DARS1: variants seen among roughly 807,000 people sequenced by gnomAD.
DARS1 encodes the protein aspartate--tRNA ligase, cytoplasmic.
Under a neutral mutation model 68.8 loss-of-function variants are expected in DARS1, and 51 were observed. The observed-to-expected ratio is 0.74, with a 90% CI of 0.59 to 0.94. The LOEUF (loss-of-function observed/expected upper bound fraction) is 0.94. DARS1 is among the 40% of genes least tolerant of loss of function. The probability of loss-of-function intolerance (pLI) is 0.00; values close to 1 mark genes in which losing one functional copy is unlikely to be tolerated. For synonymous variants in DARS1, 203 were observed against 190.4 expected, an observed-to-expected ratio of 1.07 and a Z score of -0.55; for missense variants, 607 against 597.3, an observed-to-expected ratio of 1.02 and a Z score of -0.17.
rs1260603524 is a variant in DARS1, at chr2:135,984,554, CAGA to C, written c.66+846_66+848del. ...GTCACACAATGAAGCCTGAGGGCAA[CAGA>C]AGGAGATTAAATTGTGTGAAGGACA... On this transcript the variant is annotated intron_variant, in intron 1 of 15. Coordinates refer to ENST00000264161, the MANE Select transcript of DARS1 (RefSeq NM_001349.4). 5.9e-5 allele frequency among the ~76,000 whole-genome samples: 9 copies of C among 152,256 alleles called. No individual in the cohort carries two copies. In the East Asian group the frequency reaches 9.6e-4, roughly 16 times the overall value.
chr2:135,931,488 T>C (rs914766265), intron 7 of DARS1, among the ~76,000 whole-genome samples: 10 of 152,152 alleles, frequency 6.6e-5, no homozygotes, highest in African/African-American at 2.2e-4. Flanking sequence ...TCTTCCCACC[T>C]CAGGCTCCCA....
chr2:135,931,765 T>C (rs1031313751), intron 7 of DARS1, among the ~76,000 whole-genome samples: 1 of 152,166 alleles, frequency 6.6e-6, no homozygotes, highest in African/African-American at 2.4e-5. Flanking sequence ...TAGCTCATGT[T>C]CCAGATTCTC....
At chr2:135,974,716 A>G (rs920332986) in intron 3 of DARS1, among the ~76,000 whole-genome samples, 2 of 152,220 alleles carry the variant, frequency 1.3e-5, no homozygotes, top group African/African-American at 4.8e-5. Context: ...CTAGTATTGC[A>G]AAGAGAAACA....
intron 7 of DARS1, 48 bp from the exon 8 acceptor site, chr2:135,924,546 A>T: frequency 1.3e-6 from 2 of 1,578,336 alleles, no homozygotes; most frequent in South Asian, 1.2e-5. Context: ...CTTAATTACT[A>T]AGCACTAACT....
At chr2:135,981,765 C>T (rs1366108024) in intron 2 of DARS1, among the ~76,000 whole-genome samples, 1 of 151,328 alleles carries the variant, frequency 6.6e-6, no homozygotes, top group African/African-American at 2.4e-5. Flanking sequence ...ACCTCACAGG[C>T]TCAAGTGATC....
intron 5 of DARS1, among the ~76,000 whole-genome samples, chr2:135,938,481 T>C (rs1315058692): frequency 6.6e-6 from 1 of 152,248 alleles, no homozygotes; most frequent in Non-Finnish European, 1.5e-5. Context: ...GTCTGAAGCC[T>C]TCTTCTCTCA....
chr2:135,925,385 G>C (rs1681192331), intron 7 of DARS1, among the ~76,000 whole-genome samples: 1 of 152,212 alleles, frequency 6.6e-6, no homozygotes. Flanking sequence ...GTTAGGTGAA[G>C]AAGGTGTCTT....
At chr2:135,916,444 A>C in intron 10 of DARS1, 72 bp from the exon 11 acceptor site, 2 of 797,462 alleles carry the variant, frequency 2.5e-6, no homozygotes, top group Non-Finnish European at 4.2e-6. Flanking sequence ...CACTGTGGCA[A>C]TATACAAAAA....
rs562085811 is a variant in DARS1 at position 135,942,038 on chromosome 2, A to G, written c.423+1340T>C. Among the ~76,000 whole-genome samples the G allele has an allele frequency of 2.1e-4, 32 of 152,246 alleles. 1 individual carries two copies. The East Asian group carries it at 6.2e-3, about 29-fold the overall frequency. On this transcript the variant is annotated intron_variant, in intron 5 of 15. Transcript: ENST00000264161. ...GGAGAGGATGTGGAGAAATAGGAAC[A>G]CTTTTACACTGTTGGTGGGACTGTA...
chr2:135,961,351 C>T, intron 4 of DARS1, 45 bp downstream of exon 4: 2 of 901,556 alleles, frequency 2.2e-6, no homozygotes, highest in Non-Finnish European at 3.8e-6. Flanking sequence ...AGTCTTGGTT[C>T]CCACCATTGT....
At chr2:135,966,753 C>T (rs1005472690) in intron 3 of DARS1, among the ~76,000 whole-genome samples, 1 of 152,064 alleles carries the variant, frequency 6.6e-6, no homozygotes, top group African/African-American at 2.4e-5. Context: ...AGGCTGGTCT[C>T]GAACTCCTGA....
At position 135,916,350 on chromosome 2, in the gene DARS1, C is replaced by T; in HGVS notation, c.982G>A (p.Val328Met). The T allele has an allele frequency of 6.6e-7, 1 of 1,514,634 alleles. No individual in the cohort carries two copies. Among genetic ancestry groups the T allele is most frequent in the Non-Finnish European group, 9.2e-7 (1 of 1,089,612 alleles). 93.8% of individuals were successfully genotyped at this position (1,514,634 alleles called of 1,614,324 possible). A position where few individuals can be genotyped will look rare whatever the true frequency, so the allele number is the denominator to read the frequency against. The change falls in exon 11 of 16, where the codon GTG (valine) becomes ATG (methionine). Residue 328 changes from valine (V) to methionine (M), a missense_variant. By Grantham distance (21) the Val-to-Met change is conservative. Transcript: ENST00000264161. Reference protein sequence around the residue: ...QERFQTEIQTVNKQFPCEPFK... With the variant: ...QERFQTEIQTMNKQFPCEPFK... The stretch of plus-strand genomic sequence containing the variant: ...GGCTCACATGGGAACTGTTTATTCA[C>T]TGTTTGAATTTCAGTCTGAAACCTA...
intron 3 of DARS1, among the ~76,000 whole-genome samples, chr2:135,961,832 G>C (rs1364034637): frequency 6.6e-6 from 1 of 152,166 alleles, no homozygotes; most frequent in Non-Finnish European, 1.5e-5. Flanking sequence ...CAAGTAACTT[G>C]AGATCACTTT....
chr2:135,915,678 T>G (rs551396970), intron 11 of DARS1, among the ~76,000 whole-genome samples: 1 of 152,106 alleles, frequency 6.6e-6, no homozygotes, highest in African/African-American at 2.4e-5. Context: ...ATATATAATA[T>G]AGTATGTATG....
chr2:135,935,945 C>T (rs1215858406), intron 5 of DARS1, among the ~76,000 whole-genome samples: 4 of 152,062 alleles, frequency 2.6e-5, no homozygotes, highest in African/African-American at 9.7e-5. Context: ...TATTTGTCAC[C>T]ACTCCCTAAA....
Position 135,912,537 on chromosome 2 carries a change from T to C in DARS1, c.1179A>G (p.Lys393=). The change falls in exon 13 of 16, where the codon AAA becomes AAG. Residue 393 remains lysine, a synonymous_variant. Transcript: ENST00000264161. ...KYDTDFYILD[K]YPLAVRPFYT... Reference sequence around the variant, plus strand: ...AGAAAGGTCTTACAGCCAATGGATATTTATCAAGAATATAAAAATCTGTAT... The same window carrying C: ...AGAAAGGTCTTACAGCCAATGGATACTTATCAAGAATATAAAAATCTGTAT... 1 of 1,040,168 alleles carries C rather than the reference T, an allele frequency of 9.6e-7. No individual in the cohort carries two copies. Among genetic ancestry groups the C allele is most frequent in the Non-Finnish European group, 1.5e-6 (1 of 671,208 alleles). The allele number at this position is 1,040,168 out of a possible 1,614,324, so 64.4% of individuals were successfully genotyped here.
chr2:135,920,302 T>TGTGGTCG, intron 10 of DARS1, 151 bp downstream of exon 10: 1 of 1,265,158 alleles, frequency 7.9e-7, no homozygotes, highest in South Asian at 1.7e-5. Flanking sequence ...TGTAGATTTT[T>TGTGGTCG]CCAACCAATT....
chr2:135,938,171 G>A (rs1240479498), intron 5 of DARS1, among the ~76,000 whole-genome samples: 1 of 152,138 alleles, frequency 6.6e-6, no homozygotes, highest in Non-Finnish European at 1.5e-5. Flanking sequence ...ATGTTTCTTG[G>A]AGGCTTTGTT....
chr2:135,923,927 G>A (rs1681158767), intron 8 of DARS1, among the ~76,000 whole-genome samples: 1 of 152,136 alleles, frequency 6.6e-6, no homozygotes, highest in South Asian at 2.1e-4. Flanking sequence ...TGAGGCAGGA[G>A]AATCGCTTGA....
Sources: gnomAD v4.1 joint callset for allele counts (sites outside exome capture counted in the v4.1 genomes callset) on GRCh38, gnomAD v4.1.1 for gene constraint, MANE v1.5 for transcripts, NCBI Gene and HGNC (gene_info 2026-07-23, HGNC 2026-07-21) for gene names.